The following ZNF385D variants were observed in gnomAD, a reference collection of about 807,000 sequenced individuals.
ZNF385D encodes zinc finger protein 659.
Under a neutral mutation model 35.8 loss-of-function variants are expected in ZNF385D, and 15 were observed. That is an observed-to-expected ratio of 0.42 (90% CI 0.28 to 0.64). ZNF385D has a LOEUF of 0.64. Among genes scored for constraint, ZNF385D ranks in the 30% least tolerant of loss-of-function variants. The pLI, the probability that ZNF385D is intolerant of heterozygous loss-of-function variation, is 0.23. For missense variants in ZNF385D, 474 were observed against 494.6 expected (o/e 0.96, Z 0.39); for synonymous variants, 212 against 186.8 (o/e 1.13, Z -1.10).
chr3:21,445,987 A>G (rs1303421867), intron 4 of ZNF385D, among the ~76,000 whole-genome samples: 3 of 152,174 alleles, frequency 2.0e-5, no homozygotes, highest in Non-Finnish European at 2.9e-5. Context: ...TCACGAATCA[A>G]AAAGAATCCT....
intron 2 of ZNF385D, among the ~76,000 whole-genome samples, chr3:21,662,603 G>A (rs1251200244): frequency 6.6e-6 from 1 of 152,084 alleles, no homozygotes; most frequent in Non-Finnish European, 1.5e-5. Context: ...ACCTGATTAT[G>A]GGCTTTCCAA....
At chr3:21,893,192 T>G (rs2125885294) in intron 3 of ZNF385D, among the ~76,000 whole-genome samples, 1 of 152,230 alleles carries the variant, frequency 6.6e-6, no homozygotes, top group East Asian at 1.9e-4. Context: ...GGAAGAGTAT[T>G]GGTAGATTAG....
At chr3:22,123,927 TCTCTC>T (rs1703254395) in intron 3 of ZNF385D, among the ~76,000 whole-genome samples, 2 of 54,300 alleles carry the variant, frequency 3.7e-5, no homozygotes, top group Non-Finnish European at 7.7e-5. Flanking sequence ...ACTCCATCTC[TCTCTC>T]TCTCTCTCTC....
chr3:21,764,001 C>A (rs1215397041), intron 3 of ZNF385D, among the ~76,000 whole-genome samples: 1 of 152,022 alleles, frequency 6.6e-6, no homozygotes, highest in African/African-American at 2.4e-5. Context: ...TGAGATACTG[C>A]AATGGAAGGT....
At chr3:21,592,432 G>A (rs928423687) in intron 2 of ZNF385D, among the ~76,000 whole-genome samples, 2 of 151,404 alleles carry the variant, frequency 1.3e-5, no homozygotes, top group Non-Finnish European at 2.9e-5. Context: ...GATTGCTACA[G>A]ATGGCAATAT....
At chr3:21,938,428 T>C (rs1280421831) in intron 3 of ZNF385D, among the ~76,000 whole-genome samples, 1 of 152,158 alleles carries the variant, frequency 6.6e-6, no homozygotes, top group East Asian at 1.9e-4. Flanking sequence ...AGAATGAAAG[T>C]AGGCCAGATG....
rs193210544 is a variant in ZNF385D, at chr3:22,196,271, T to C, written c.107-27236A>G. Among the ~76,000 whole-genome samples, 430 of 152,234 alleles carry C rather than the reference T, an allele frequency of 2.8e-3. 1 individual carries two copies. Among genetic ancestry groups the C allele is most frequent in the African/African-American group, 0.01 (417 of 41,580 alleles). ...TTGAGTATTCTTATCTGCATTCTTA[T>C]TGCTATACCGACTTTGTTTTGTTCA... On this transcript the variant is annotated intron_variant, in intron 2 of 5. Coordinates refer to the ZNF385D transcript ENST00000494108.
chr3:22,249,313 A>T (rs889498735), intron 2 of ZNF385D, among the ~76,000 whole-genome samples: 1 of 152,186 alleles, frequency 6.6e-6, no homozygotes, highest in Non-Finnish European at 1.5e-5. Flanking sequence ...AATGTAATGC[A>T]AACAATAATG....
At chr3:22,084,262 GC>G (rs571363602) in intron 3 of ZNF385D, among the ~76,000 whole-genome samples, 1 of 152,142 alleles carries the variant, frequency 6.6e-6, no homozygotes, top group South Asian at 2.1e-4. Context: ...TGGGCTATAT[GC>G]TCAATTAAAA....
intron 1 of ZNF385D, among the ~76,000 whole-genome samples, chr3:21,721,050 G>T (rs928674239): frequency 6.6e-6 from 1 of 152,042 alleles, no homozygotes. Context: ...CTTATCAAAA[G>T]AAAGTTGTAA....
In ZNF385D at chr3:22,301,085, T is replaced by C. The variant is rs76403843; in HGVS notation, c.106+71365A>G. 1.5e-3 allele frequency among the ~76,000 whole-genome samples: 222 copies of C among 152,124 alleles called. 5 individuals are homozygous for C. The East Asian group carries it at 0.036, about 25-fold the overall frequency. On this transcript the variant is annotated intron_variant, in intron 2 of 5. Transcript: ENST00000494108. Reference sequence around the variant, plus strand: ...AAACGTGTTCTACATAGACACAGTGTAATATTATGCAGCCCTTAAGAAGAA... The same window carrying C: ...AAACGTGTTCTACATAGACACAGTGCAATATTATGCAGCCCTTAAGAAGAA...
chr3:22,210,691 T>C (rs1336207697), intron 2 of ZNF385D, among the ~76,000 whole-genome samples: 1 of 151,814 alleles, frequency 6.6e-6, no homozygotes. Context: ...ACATGAAAGG[T>C]TCCTTGGAGA....
chr3:22,114,233 G>A (rs1182156083), intron 3 of ZNF385D, among the ~76,000 whole-genome samples: 2 of 151,706 alleles, frequency 1.3e-5, no homozygotes, highest in Non-Finnish European at 2.9e-5. Flanking sequence ...TTATGGATAA[G>A]GATTTACATA....
intron 2 of ZNF385D, among the ~76,000 whole-genome samples, chr3:22,203,741 C>T (rs1188479968): frequency 2.0e-5 from 3 of 152,122 alleles, no homozygotes; most frequent in Non-Finnish European, 2.9e-5. Context: ...GAAGCAGACT[C>T]CTCTGCCAGG....
At chr3:22,165,947 C>G (rs908715742) in intron 3 of ZNF385D, among the ~76,000 whole-genome samples, 1 of 152,160 alleles carries the variant, frequency 6.6e-6, no homozygotes, top group South Asian at 2.1e-4. Context: ...TCTTTGAAAA[C>G]AGATGGAGCC....
intron 4 of ZNF385D, among the ~76,000 whole-genome samples, chr3:21,480,879 C>T (rs919038214): frequency 6.6e-6 from 1 of 152,168 alleles, no homozygotes; most frequent in African/African-American, 2.4e-5. Context: ...CAAATAACAG[C>T]ATCAGTAACT....
chr3:22,189,910 T>C (rs1383409709), intron 2 of ZNF385D, among the ~76,000 whole-genome samples: 2 of 152,186 alleles, frequency 1.3e-5, no homozygotes, highest in Non-Finnish European at 2.9e-5. Flanking sequence ...TATTAGGATA[T>C]TCCAGAAGTG....
intron 3 of ZNF385D, among the ~76,000 whole-genome samples, chr3:21,810,038 T>C (rs558768531): frequency 6.6e-6 from 1 of 152,258 alleles, no homozygotes; most frequent in South Asian, 2.1e-4. Context: ...CAATTTGTTA[T>C]AACACCAGCA....
At chr3:22,233,276 C>A (rs1698999325) in intron 2 of ZNF385D, among the ~76,000 whole-genome samples, 1 of 152,066 alleles carries the variant, frequency 6.6e-6, no homozygotes, top group Non-Finnish European at 1.5e-5. Context: ...ACACATACAA[C>A]AACATAATCT....
Sources: allele counts gnomAD v4.1 joint callset (sites outside exome capture counted in the v4.1 genomes callset), GRCh38; gene constraint gnomAD v4.1.1; transcripts MANE v1.5; gene names NCBI Gene and HGNC (gene_info 2026-07-23, HGNC 2026-07-21).